The following ATP2C2 variants were observed in gnomAD, a reference collection of about 807,000 sequenced individuals.
The protein encoded by ATP2C2 is calcium-transporting ATPase type 2C member 2.
Under a neutral mutation model 110.8 loss-of-function variants are expected in ATP2C2, and 171 were observed. The observed-to-expected ratio is 1.54, with a 90% CI of 1.36 to 1.75. ATP2C2 has a LOEUF of 1.75. Among genes scored for constraint, ATP2C2 ranks in the 40% most tolerant of loss-of-function variants. The pLI, the probability that ATP2C2 is intolerant of heterozygous loss-of-function variation, is 0.00. For synonymous variants in ATP2C2, 804 were observed against 508.4 expected, an observed-to-expected ratio of 1.58 and a Z score of -7.82; for missense variants, 1,963 against 1,235.0, an observed-to-expected ratio of 1.59 and a Z score of -8.84.
intron 11 of ATP2C2, among the ~76,000 whole-genome samples, chr16:84,437,336 G>A (rs1908833236): frequency 1.3e-5 from 2 of 151,804 alleles, no homozygotes; most frequent in Admixed American, 1.3e-4. Context: ...TGGGATTATA[G>A]GTGCACACTG....
intron 16 of ATP2C2, among the ~76,000 whole-genome samples, 199 bp from the exon 17 acceptor site, chr16:84,448,334 G>T (rs1386008564): frequency 6.6e-6 from 1 of 152,150 alleles, no homozygotes; most frequent in South Asian, 2.1e-4. Context: ...TCTTTCTCTG[G>T]ACTGCAAAAC....
chr16:84,459,728 C>G (rs369405163), intron 23 of ATP2C2: 1 of 714,546 alleles, frequency 1.4e-6, no homozygotes, highest in South Asian at 1.8e-5. Flanking sequence ...CACTCAATCC[C>G]CTCACCCTGC....
intron 15 of ATP2C2, among the ~76,000 whole-genome samples, chr16:84,445,231 C>T (rs1466675556): frequency 7.5e-5 from 11 of 146,218 alleles, no homozygotes; most frequent in East Asian, 4.0e-4. Context: ...TTTTTTGAGA[C>T]GGAGTCTCGC....
At chr16:84,445,995 C>T (rs1199809105) in intron 15 of ATP2C2, among the ~76,000 whole-genome samples, 1 of 152,224 alleles carries the variant, frequency 6.6e-6, no homozygotes, top group Non-Finnish European at 1.5e-5. Flanking sequence ...AGGGCTGTCT[C>T]ACTGACTCAG....
At chr16:84,456,183 G>T (rs1354849735) in intron 21 of ATP2C2, among the ~76,000 whole-genome samples, 14 of 127,718 alleles carry the variant, frequency 1.1e-4, no homozygotes, top group Non-Finnish European at 1.6e-4. Context: ...CTATTGATTG[G>T]AATAGTTTCA....
chr16:84,394,006 AAAAAT>A (rs1904819841), intron 1 of ATP2C2, among the ~76,000 whole-genome samples: 1 of 138,930 alleles, frequency 7.2e-6, no homozygotes, highest in East Asian at 2.0e-4. Context: ...AAATACCAAA[AAAAAT>A]AAAAAAATAA....
intron 10 of ATP2C2, among the ~76,000 whole-genome samples, 171 bp downstream of exon 10, chr16:84,423,434 G>C (rs1022814304): frequency 3.5e-4 from 54 of 152,228 alleles, no homozygotes; most frequent in African/African-American, 1.2e-3. Flanking sequence ...AGTTGGACCA[G>C]GCTGGCTGCT....
intron 10 of ATP2C2, 120 bp from the exon 11 acceptor site, chr16:84,425,615 A>G (rs1158145986): frequency 1.4e-5 from 15 of 1,103,398 alleles, no homozygotes; most frequent in Admixed American, 5.2e-5. Context: ...GGTTGAGGTT[A>G]TCAGGCGTTC....
At chr16:84,450,466 G>T (rs1036026641) in intron 17 of ATP2C2, among the ~76,000 whole-genome samples, 1 of 152,130 alleles carries the variant, frequency 6.6e-6, no homozygotes, top group South Asian at 2.1e-4. Context: ...GGAGAGTTGG[G>T]GTGAGGGGAG....
chr16:84,427,986 C>T (rs1472936532), intron 11 of ATP2C2, among the ~76,000 whole-genome samples: 1 of 152,262 alleles, frequency 6.6e-6, no homozygotes, highest in East Asian at 1.9e-4. Flanking sequence ...ATAGAACAGG[C>T]AACTAAGAAT....
At chr16:84,458,695 C>T (rs1028200675) in intron 21 of ATP2C2, among the ~76,000 whole-genome samples, 5 of 152,202 alleles carry the variant, frequency 3.3e-5, no homozygotes, top group African/African-American at 1.2e-4. Context: ...CTTCAGCCTC[C>T]CCATCCCTCC....
chr16:84,436,819 A>C (rs1157866312), intron 11 of ATP2C2, among the ~76,000 whole-genome samples: 2 of 144,662 alleles, frequency 1.4e-5, no homozygotes, highest in Non-Finnish European at 3.0e-5. Flanking sequence ...CTGGAGTGCA[A>C]TGGCACCATC....
chr16:84,408,377 G>C (rs749340581), intron 3 of ATP2C2, 28 bp from the exon 4 acceptor site: 2 of 1,602,356 alleles, frequency 1.2e-6, no homozygotes, highest in South Asian at 1.1e-5. Context: ...ACTAAAGAAC[G>C]TGCCCCACCC....
intron 21 of ATP2C2, among the ~76,000 whole-genome samples, chr16:84,455,806 A>G (rs1353374817): frequency 6.7e-6 from 1 of 149,796 alleles, no homozygotes; most frequent in East Asian, 1.9e-4. Context: ...CGTCCCATCA[A>G]TACCTAATTT....
chr16:84,393,121 G>T (rs1904758833), intron 1 of ATP2C2, among the ~76,000 whole-genome samples: 1 of 152,192 alleles, frequency 6.6e-6, no homozygotes, highest in Admixed American at 6.5e-5. Context: ...TGTGTGTTTG[G>T]GGTTGGGTAG....
At chr16:84,420,758 T>C (rs1368528590) in intron 7 of ATP2C2, among the ~76,000 whole-genome samples, 3 of 152,192 alleles carry the variant, frequency 2.0e-5, no homozygotes, top group Admixed American at 6.5e-5. Flanking sequence ...TCTTGTTGGC[T>C]GTGACAGTTT....
chr16:84,412,321 T>C (rs1017981103), intron 6 of ATP2C2, among the ~76,000 whole-genome samples: 6 of 126,226 alleles, frequency 4.8e-5, no homozygotes, highest in African/African-American at 1.5e-4. Context: ...TGCACGTGTG[T>C]GTGCGTGTGT....
chr16:84,413,629 A>G (rs1400048340), intron 6 of ATP2C2, among the ~76,000 whole-genome samples: 2 of 152,202 alleles, frequency 1.3e-5, no homozygotes, highest in Non-Finnish European at 2.9e-5. Context: ...AATAGCGTGC[A>G]TTATTGATGT....
At chr16:84,401,498 G>T (rs1436129436) in intron 2 of ATP2C2, among the ~76,000 whole-genome samples, 2 of 151,722 alleles carry the variant, frequency 1.3e-5, no homozygotes, top group African/African-American at 4.9e-5. Flanking sequence ...ATTTTTATTT[G>T]ATTTTTATTG....
Sources: gnomAD v4.1 joint callset for allele counts (sites outside exome capture counted in the v4.1 genomes callset) on GRCh38, gnomAD v4.1.1 for gene constraint, MANE v1.5 for transcripts, NCBI Gene and HGNC (gene_info 2026-07-23, HGNC 2026-07-21) for gene names.